DNAI2: variants seen among roughly 807,000 people sequenced by gnomAD.
DNAI2 encodes dynein axonemal intermediate chain 2.
Under a neutral mutation model 74.7 loss-of-function variants are expected in DNAI2, and 63 were observed. The observed-to-expected ratio is 0.84, with a 90% CI of 0.69 to 1.04. DNAI2 has a LOEUF of 1.04. Among genes scored for constraint, DNAI2 ranks in the 50% least tolerant of loss-of-function variants. DNAI2 has a pLI of 0.00. For missense variants in DNAI2, 688 were observed against 803.2 expected, an observed-to-expected ratio of 0.86 and a Z score of 1.73; for synonymous variants, 289 against 314.9, an observed-to-expected ratio of 0.92 and a Z score of 0.87.
intron 2 of DNAI2, among the ~76,000 whole-genome samples, chr17:74,284,402 CTTTTTCT>C (rs1270735102): frequency 6.6e-6 from 1 of 152,018 alleles, no homozygotes; most frequent in African/African-American, 2.4e-5. Flanking sequence ...AGGCTATTCA[CTTTTTCT>C]TTTTTCTTTT....
At chr17:74,278,282 T>C (rs2051205487) in intron 1 of DNAI2, among the ~76,000 whole-genome samples, 1 of 151,132 alleles carries the variant, frequency 6.6e-6, no homozygotes, top group Middle Eastern at 3.4e-3. Context: ...AAAAAAAAAT[T>C]AGTCTGATGT....
chr17:74,311,700 T>A (rs748489679), intron 11 of DNAI2, among the ~76,000 whole-genome samples: 1 of 152,206 alleles, frequency 6.6e-6, no homozygotes, highest in Non-Finnish European at 1.5e-5. Flanking sequence ...GATCTCACCA[T>A]TGAGCTGGTC....
chr17:74,285,200 C>T lies in DNAI2; in HGVS notation c.344C>T (p.Ser115Phe). 1 of 1,614,000 alleles carries T rather than the reference C, an allele frequency of 6.2e-7. No individual in the cohort carries two copies. Among genetic ancestry groups the T allele is most frequent in the Non-Finnish European group, 8.5e-7 (1 of 1,179,940 alleles). ...GTTAACGCCATCATGCAGCTCGGCTCTGTAAGGCTTCCTCCTGCCCCAGCT... is the reference window on the plus strand; with the variant it reads ...GTTAACGCCATCATGCAGCTCGGCTTTGTAAGGCTTCCTCCTGCCCCAGCT... ...NYVNAIMQLG[S>F]IMEHCIKQNN... Residue 115 changes from serine to phenylalanine, a missense_variant and splice_region_variant, in exon 3 of 14, where the codon TCT becomes TTT. Coordinates refer to ENST00000311014, the MANE Select transcript of DNAI2 (RefSeq NM_023036.6).
intron 8 of DNAI2, among the ~76,000 whole-genome samples, chr17:74,303,247 T>A (rs753890976): frequency 3.9e-5 from 6 of 152,082 alleles, no homozygotes; most frequent in Non-Finnish European, 7.4e-5. Context: ...GGGCTCCAAC[T>A]CTGAGGCCCA....
intron 4 of DNAI2, among the ~76,000 whole-genome samples, chr17:74,288,573 G>A (rs948748664): frequency 6.6e-6 from 1 of 152,156 alleles, no homozygotes; most frequent in African/African-American, 2.4e-5. Flanking sequence ...TTGAAGCCAC[G>A]CAGTTTGTGG....
In DNAI2 at chr17:74,303,988, G is replaced by A. The variant is rs544550370; in HGVS notation, c.988-1231G>A. Reference sequence around the variant, plus strand: ...AAAAATACAAAAATTAGCTGACCCTGGTGGTGTGTGCTTGTGGTCCCTACG... The same window carrying A: ...AAAAATACAAAAATTAGCTGACCCTAGTGGTGTGTGCTTGTGGTCCCTACG... On this transcript the variant is annotated intron_variant, in intron 8 of 13. Transcript: ENST00000311014. 5.9e-5 allele frequency among the ~76,000 whole-genome samples: 9 copies of A among 151,648 alleles called. No individual in the cohort carries two copies. In the East Asian group the frequency reaches 1.8e-3, roughly 30 times the overall value.
chr17:74,312,869 G>A (rs1444505132), intron 12 of DNAI2, among the ~76,000 whole-genome samples: 2 of 152,170 alleles, frequency 1.3e-5, no homozygotes, highest in African/African-American at 4.8e-5. Flanking sequence ...AAAAGACATT[G>A]CCTGTCTGGG....
At chr17:74,289,984 A>G (rs2051989359) in intron 5 of DNAI2, among the ~76,000 whole-genome samples, 1 of 152,138 alleles carries the variant, frequency 6.6e-6, no homozygotes, top group Admixed American at 6.5e-5. Flanking sequence ...TCGAGGCATG[A>G]AGACCTGACC....
Position 74,310,175 on chromosome 17 carries a change from G to C in DNAI2, c.1494+12G>C, listed in dbSNP as rs766189697. 11 of 1,612,936 alleles carry C rather than the reference G, an allele frequency of 6.8e-6. 1 individual carries two copies. The East Asian group carries it at 2.2e-4, about 33-fold the overall frequency. On this transcript the variant is annotated intron_variant, in intron 11 of 13. Coordinates refer to ENST00000311014, the MANE Select transcript of DNAI2 (RefSeq NM_023036.6). ...ACGTAGCCTCTTCCGTAAGCACCGGGTGCCTGGGGAAAATCCCTCCAGCAC... is the reference window on the plus strand; with the variant it reads ...ACGTAGCCTCTTCCGTAAGCACCGGCTGCCTGGGGAAAATCCCTCCAGCAC...
chr17:74,291,364 A>G (rs944919286), intron 6 of DNAI2, among the ~76,000 whole-genome samples: 2 of 151,972 alleles, frequency 1.3e-5, no homozygotes, highest in Non-Finnish European at 2.9e-5. Flanking sequence ...GGGTTTCACC[A>G]TGTTGGCCAG....
chr17:74,306,111 G>A (rs988259697), intron 9 of DNAI2, among the ~76,000 whole-genome samples: 6 of 152,244 alleles, frequency 3.9e-5, no homozygotes, highest in Non-Finnish European at 7.3e-5. Context: ...GTGAGGAGCC[G>A]AGATTGGGTG....
intron 2 of DNAI2, among the ~76,000 whole-genome samples, chr17:74,283,737 C>T (rs2051520244): frequency 6.6e-6 from 1 of 151,968 alleles, no homozygotes; most frequent in African/African-American, 2.4e-5. Context: ...AACACCGTCT[C>T]TACAGAAGAA....
chr17:74,287,145 A>G, intron 4 of DNAI2, 47 bp downstream of exon 4: 1 of 1,608,322 alleles, frequency 6.2e-7, no homozygotes, highest in East Asian at 2.2e-5. Context: ...CGTCACCCCC[A>G]TGCATGGGCG....
chr17:74,313,685 G>GTC (rs2053662039), intron 12 of DNAI2, among the ~76,000 whole-genome samples: 1 of 152,220 alleles, frequency 6.6e-6, no homozygotes, highest in African/African-American at 2.4e-5. Flanking sequence ...CACACTTCCT[G>GTC]TCTCTCTCTT....
intron 8 of DNAI2, 67 bp downstream of exon 8, chr17:74,301,235 A>T (rs1194435176): frequency 6.2e-7 from 1 of 1,604,366 alleles, no homozygotes; most frequent in East Asian, 2.2e-5. Flanking sequence ...AAGACAGGCC[A>T]TTGCTAGGAT....
rs1598292549 is a variant in DNAI2 at position 74,290,875 on chromosome 17, G to A, written c.611-145G>A. On this transcript the variant is annotated intron_variant, in intron 5 of 13. Coordinates refer to ENST00000311014, the MANE Select transcript of DNAI2 (RefSeq NM_023036.6). ...TTCTGGCCAAGGTGGACCAGGGGGT[G>A]CAGGCTGGGGAAAGACTGGAGGGGC... The A allele has an allele frequency of 2.3e-5, 18 of 784,736 alleles. No individual in the cohort carries two copies. The East Asian group carries it at 3.9e-4, about 17-fold the overall frequency. 48.6% of individuals were successfully genotyped at this position (784,736 alleles called of 1,614,324 possible).
At position 74,281,998 on chromosome 17, in the gene DNAI2, G is replaced by A. The variant is rs2051419098; in HGVS notation, c.181G>A (p.Glu61Lys). 1.2e-6 allele frequency: 2 copies of A among 1,613,926 alleles called. No individual in the cohort carries two copies. The highest frequency in any genetic ancestry group is 1.7e-6 in the Non-Finnish European group (2 of 1,179,986). The change falls in exon 2 of 14, where the codon GAG becomes AAG. Residue 61 changes from glutamate to lysine, a missense_variant and splice_region_variant. Glu to Lys is a moderately conservative substitution (Grantham distance 56). Transcript: ENST00000311014. ...GTGCTCGATCAGCATGTCGGAACAC[G>A]AGGTGGGTCCCTGCCCCAAGGGCCC... Reference protein sequence around the residue: ...IQCSISMSEHEANSERFEMET... With the variant: ...IQCSISMSEHKANSERFEMET...
At chr17:74,299,936 G>A in intron 7 of DNAI2, 79 bp downstream of exon 7, 3 of 1,590,522 alleles carry the variant, frequency 1.9e-6, no homozygotes, top group South Asian at 1.1e-5. Flanking sequence ...CAGAACCCCT[G>A]GGGACATTTC....
intron 1 of DNAI2, among the ~76,000 whole-genome samples, chr17:74,274,776 A>G (rs1194619898): frequency 2.6e-5 from 4 of 152,218 alleles, no homozygotes; most frequent in Non-Finnish European, 5.9e-5. Context: ...GTAAATTAAC[A>G]GTATTGCACA....
Sources: gnomAD v4.1 joint callset for allele counts (sites outside exome capture counted in the v4.1 genomes callset) on GRCh38, gnomAD v4.1.1 for gene constraint, MANE v1.5 for transcripts, NCBI Gene and HGNC (gene_info 2026-07-23, HGNC 2026-07-21) for gene names.